LMBR1: variants seen among roughly 807,000 people sequenced by gnomAD.
The protein encoded by LMBR1 is limb region 1 protein homolog.
LMBR1 carries 52 observed loss-of-function variants against 73.9 expected under a neutral mutation model. The observed-to-expected ratio is 0.70, with a 90% CI of 0.56 to 0.89. LMBR1 has a LOEUF of 0.89. LMBR1 is among the 40% of genes least tolerant of loss of function. LMBR1 has a pLI of 0.00. For missense variants in LMBR1, 539 were observed against 579.8 expected (o/e 0.93, Z 0.72); for synonymous variants, 215 against 209.4 (o/e 1.03, Z -0.23).
intron 15 of LMBR1, among the ~76,000 whole-genome samples, chr7:156,698,459 G>A (rs11760624): frequency 0.034 from 5,247 of 152,332 alleles, 134 homozygotes; most frequent in Non-Finnish European, 0.044. Flanking sequence ...TGCCTTTGCA[G>A]CAAACTTCTG....
At chr7:156,718,964 A>G (rs994470037) in intron 15 of LMBR1, among the ~76,000 whole-genome samples, 7 of 149,344 alleles carry the variant, frequency 4.7e-5, no homozygotes, top group African/African-American at 1.5e-4. Flanking sequence ...AAACTTCTCA[A>G]TGGTGGTCTG....
chr7:156,797,100 T>C (rs981042774), intron 4 of LMBR1, among the ~76,000 whole-genome samples: 3 of 152,210 alleles, frequency 2.0e-5, no homozygotes, highest in African/African-American at 7.2e-5. Context: ...CAGAGCTGAC[T>C]TAATTCCAGG....
intron 5 of LMBR1, among the ~76,000 whole-genome samples, chr7:156,781,774 A>G (rs1277124527): frequency 6.6e-6 from 1 of 152,210 alleles, no homozygotes; most frequent in Non-Finnish European, 1.5e-5. Flanking sequence ...ACAGGTAACC[A>G]CAAAACACTG....
chr7:156,813,978 G>C (rs1395375995), intron 4 of LMBR1, among the ~76,000 whole-genome samples: 4 of 152,118 alleles, frequency 2.6e-5, no homozygotes, highest in Middle Eastern at 3.4e-3. Context: ...AAGCAGAACA[G>C]ATACAATTGT....
At chr7:156,778,573 T>C (rs1002186840) in intron 5 of LMBR1, among the ~76,000 whole-genome samples, 46 of 152,320 alleles carry the variant, frequency 3.0e-4, no homozygotes, top group African/African-American at 1.1e-3. Flanking sequence ...TTTTTTACCT[T>C]CAAAAACTTT....
At chr7:156,709,896 A>ATT (rs34487923) in intron 15 of LMBR1, among the ~76,000 whole-genome samples, 949 of 90,354 alleles carry the variant, frequency 0.011, 96 homozygotes, top group African/African-American at 0.013. Context: ...CAGAAGGTTG[A>ATT]TTTTTTTTTT....
intron 1 of LMBR1, chr7:156,892,437 C>T (rs1304708332): frequency 1.3e-5 from 2 of 152,228 alleles, no homozygotes; most frequent in Admixed American, 1.3e-4. Flanking sequence ...CCCACCCAGG[C>T]TCTCCGGGAC....
intron 1 of LMBR1, among the ~76,000 whole-genome samples, chr7:156,888,182 G>T (rs189319859): frequency 2.6e-5 from 4 of 151,846 alleles, no homozygotes; most frequent in Admixed American, 2.6e-4. Flanking sequence ...AGGCTGAGGC[G>T]GGCGAATCAC....
At position 156,858,450 on chromosome 7, in the gene LMBR1, C is replaced by T. The variant is rs1797280366; in HGVS notation, c.67-21565G>A. ...CAACAATTATCTTCCAAGCACCAGTCCCAGATAGTTTCACTTTTGAATTCT... is the reference window on the plus strand; with the variant it reads ...CAACAATTATCTTCCAAGCACCAGTTCCAGATAGTTTCACTTTTGAATTCT... On this transcript the variant is annotated intron_variant, in intron 1 of 16. Coordinates refer to ENST00000353442, the MANE Select transcript of LMBR1 (RefSeq NM_022458.4). Among the ~76,000 whole-genome samples the T allele has an allele frequency of 3.3e-5, 5 of 152,304 alleles. No individual in the cohort carries two copies. The South Asian group carries it at 1.0e-3, about 32-fold the overall frequency.
intron 15 of LMBR1, among the ~76,000 whole-genome samples, chr7:156,701,859 A>G (rs749807439): frequency 3.9e-5 from 6 of 152,142 alleles, no homozygotes; most frequent in Non-Finnish European, 7.3e-5. Context: ...GTTCCCACTT[A>G]TAAGTGAGAA....
At chr7:156,762,332 T>C (rs1428359798) in intron 7 of LMBR1, 134 bp from the exon 8 acceptor site, 2 of 618,686 alleles carry the variant, frequency 3.2e-6, no homozygotes, top group East Asian at 2.7e-5. Context: ...CCAACTGAGA[T>C]TGTCAGTGTT....
chr7:156,871,968 C>T (rs758094621), intron 1 of LMBR1: 1 of 152,114 alleles, frequency 6.6e-6, no homozygotes, highest in East Asian at 1.9e-4. Context: ...AGAAATAAAA[C>T]GCATTCAAAT....
At chr7:156,673,530 G>A (rs917477190), downstream of LMBR1, among the ~76,000 whole-genome samples, 20 of 152,192 alleles carry the variant, frequency 1.3e-4, no homozygotes, top group Non-Finnish European at 1.0e-4. Flanking sequence ...TACATTCAGA[G>A]TGAAAGAGAA....
At chr7:156,692,909 C>A (rs570103526) in intron 15 of LMBR1, among the ~76,000 whole-genome samples, 2 of 151,954 alleles carry the variant, frequency 1.3e-5, no homozygotes, top group Non-Finnish European at 2.9e-5. Context: ...ATAAAACTTG[C>A]TAAGTAGAGA....
Position 156,892,874 on chromosome 7 carries a change from G to T in LMBR1, c.66+54C>A, listed in dbSNP as rs1013229462. On this transcript the variant is annotated intron_variant, in intron 1 of 16. Transcript: ENST00000353442. The stretch of plus-strand genomic sequence containing the variant: ...GGACCGGGGGCCCGGGGGCGGGGAC[G>T]GAGGGCCCGGGCGGGCACGCGGGAC... The T allele has an allele frequency of 1.4e-4, 193 of 1,333,782 alleles. No homozygotes were observed. In the Middle Eastern group the frequency reaches 1.9e-3, roughly 13 times the overall value. The allele number at this position is 1,333,782 out of a possible 1,614,324, so 82.6% of individuals were successfully genotyped here.
At chr7:156,766,103 T>C (rs538391986) in intron 5 of LMBR1, among the ~76,000 whole-genome samples, 89 of 152,130 alleles carry the variant, frequency 5.9e-4, no homozygotes, top group Non-Finnish European at 8.4e-4. Flanking sequence ...TTCAGGTATG[T>C]GCCTGGGTGC....
chr7:156,779,942 G>A (rs756514021), intron 5 of LMBR1, among the ~76,000 whole-genome samples: 14 of 152,184 alleles, frequency 9.2e-5, no homozygotes, highest in Admixed American at 3.9e-4. Context: ...GGGGAAGATC[G>A]GTAGAAGTAC....
rs1356695814 is a variant in LMBR1 at position 156,682,097 on chromosome 7, G to A, written c.*1981C>T. The A allele has an allele frequency of 6.6e-6, 1 of 152,276 alleles. No homozygotes were observed. Among genetic ancestry groups the A allele is most frequent in the Non-Finnish European group, 1.5e-5 (1 of 68,058 alleles). 9.4% of individuals were successfully genotyped at this position (152,276 alleles called of 1,614,324 possible). The stretch of plus-strand genomic sequence containing the variant: ...CCCATGCATATCCTTTGCTTCAACA[G>A]CAGTGAGGATGCCTCCAGGAAGTGT... On this transcript the variant is annotated 3_prime_UTR_variant, in exon 17 of 17. Coordinates refer to ENST00000353442, the MANE Select transcript of LMBR1 (RefSeq NM_022458.4).
rs1364454868 is a variant in LMBR1, at chr7:156,865,294, G to A, written c.66+27634C>T. On this transcript the variant is annotated intron_variant, in intron 1 of 16. Transcript: ENST00000353442. ...TGCACTCCAGGCACAGTGACAAAGT[G>A]AGACCTTATCTCAAAAAGAAAAAAA... Among the ~76,000 whole-genome samples the A allele has an allele frequency of 3.3e-5, 5 of 151,928 alleles. No individual in the cohort carries two copies. In the East Asian group the frequency reaches 7.7e-4, roughly 23 times the overall value.
Sources: allele counts gnomAD v4.1 joint callset (sites outside exome capture counted in the v4.1 genomes callset), GRCh38; gene constraint gnomAD v4.1.1; transcripts MANE v1.5; gene names NCBI Gene and HGNC (gene_info 2026-07-23, HGNC 2026-07-21).